Variants in ALDH9A1 observed in about 807,000 individuals in gnomAD.
The protein encoded by ALDH9A1 is aldehyde dehydrogenase 9 family member A1.
A neutral mutation model predicts 56.6 loss-of-function variants in ALDH9A1; 42 were observed. That is an observed-to-expected ratio of 0.74 (90% CI 0.58 to 0.96). ALDH9A1 has a LOEUF of 0.96. ALDH9A1 is among the 40% of genes least tolerant of loss of function. The pLI is 0.00. For missense variants in ALDH9A1, 661 were observed against 651.5 expected (o/e 1.01, Z -0.16); for synonymous variants, 242 against 236.0 (o/e 1.03, Z -0.23).
chr1:165,678,149 C>A (rs1649428355), intron 6 of ALDH9A1, among the ~76,000 whole-genome samples: 1 of 152,104 alleles, frequency 6.6e-6, no homozygotes, highest in Non-Finnish European at 1.5e-5. Flanking sequence ...GCCTGGCCAA[C>A]ACAGTGAAAC....
chr1:165,673,882 G>A (rs6667088), intron 6 of ALDH9A1, among the ~76,000 whole-genome samples: 96,890 of 151,782 alleles, frequency 0.64, 31,299 homozygotes, highest in East Asian at 0.97. Flanking sequence ...AATAAGGCTG[G>A]GACGTACTGG....
intron 10 of ALDH9A1, 47 bp downstream of exon 10, chr1:165,664,971 C>A (rs764267542): frequency 3.5e-6 from 5 of 1,445,648 alleles, no homozygotes; most frequent in South Asian, 2.3e-5. Flanking sequence ...TGAATTACGA[C>A]CTAGCTCTAG....
At position 165,667,782 on chromosome 1, in the gene ALDH9A1, T is replaced by A. The variant is rs1301331278; in HGVS notation, c.1208-332A>T. Among the ~76,000 whole-genome samples the A allele has an allele frequency of 2.0e-5, 3 of 152,352 alleles. No individual in the cohort carries two copies. The East Asian group carries it at 5.8e-4, about 29-fold the overall frequency. ...TTTCTAGTGAGGATTAAAGGTTATATACTGCATCAAATATGAAGTTGTTAA... is the reference window on the plus strand; with the variant it reads ...TTTCTAGTGAGGATTAAAGGTTATAAACTGCATCAAATATGAAGTTGTTAA... On this transcript the variant is annotated intron_variant, in intron 8 of 10. Coordinates refer to ENST00000354775, the MANE Select transcript of ALDH9A1 (RefSeq NM_000696.4).
At chr1:165,674,964 G>A (rs1461803385) in intron 6 of ALDH9A1, among the ~76,000 whole-genome samples, 4 of 152,228 alleles carry the variant, frequency 2.6e-5, no homozygotes, top group Non-Finnish European at 5.9e-5. Context: ...AGGCTGAGGC[G>A]GGTGGATCGC....
chr1:165,668,628 C>T (rs1009040686), intron 8 of ALDH9A1: 6 of 227,570 alleles, frequency 2.6e-5, no homozygotes, highest in Non-Finnish European at 5.1e-5. Flanking sequence ...TTTATTTTCT[C>T]AAGGAATTAA....
At position 165,698,548 on chromosome 1, in the gene ALDH9A1, C is replaced by T. The variant is rs752911128; in HGVS notation, c.11G>A (p.Arg4Gln). 1.9e-6 allele frequency: 3 copies of T among 1,605,814 alleles called. No individual in the cohort carries two copies. Among genetic ancestry groups the T allele is most frequent in the Non-Finnish European group, 2.5e-6 (3 of 1,177,408 alleles). MFLRAGLAALSPLL... is the reference protein window; with the variant it reads MFLQAGLAALSPLL... ...CGGGGAGAGCGCGGCCAGGCCTGCT[C>T]GGAGAAACATGAGTGGCGGACGCAG... The change falls in exon 1 of 11, where the codon CGA (arginine) becomes CAA (glutamine). Residue 4 changes from arginine to glutamine, a missense_variant. By Grantham distance (43) the Arg-to-Gln change is conservative. Transcript: ENST00000354775.
intron 1 of ALDH9A1, 106 bp downstream of exon 1, chr1:165,698,272 T>C (rs999979085): frequency 2.9e-5 from 43 of 1,469,002 alleles, no homozygotes; most frequent in Non-Finnish European, 3.8e-5. Flanking sequence ...ACTGTCACTG[T>C]CTTGTGCTCA....
chr1:165,674,197 G>C (rs1317947742), intron 6 of ALDH9A1, among the ~76,000 whole-genome samples: 1 of 150,910 alleles, frequency 6.6e-6, no homozygotes, highest in Admixed American at 6.7e-5. Flanking sequence ...CCCACCCCTT[G>C]TTTAGCATAC....
chr1:165,672,556 G>A (rs1571169150), intron 6 of ALDH9A1, among the ~76,000 whole-genome samples: 1 of 152,016 alleles, frequency 6.6e-6, no homozygotes, highest in South Asian at 2.1e-4. Context: ...TTCAATGTGG[G>A]GTGATGAAAA....
At chr1:165,680,771 T>C (rs2101747414) in intron 4 of ALDH9A1, 88 bp from the exon 5 acceptor site, 2 of 1,232,538 alleles carry the variant, frequency 1.6e-6, no homozygotes, top group East Asian at 4.8e-5. Context: ...TCAAAAATGA[T>C]TCCAATTGTT....
rs138622301 is a variant in ALDH9A1, at chr1:165,686,807, T to C, written c.328-3697A>G. Among the ~76,000 whole-genome samples, 20 of 152,304 alleles carry C rather than the reference T, an allele frequency of 1.3e-4. No homozygotes were observed. The East Asian group carries it at 3.9e-3, about 29-fold the overall frequency. On this transcript the variant is annotated intron_variant, in intron 2 of 10. Transcript: ENST00000354775. ...AGTGATTCACTAGAGATCATATGTC[T>C]AGTGATCAAAAACTACCAGGCATGC...
chr1:165,665,014 T>A lies in ALDH9A1; in HGVS notation c.1462+4A>T. The A allele has an allele frequency of 6.2e-7, 1 of 1,612,590 alleles. No individual in the cohort carries two copies. Among genetic ancestry groups the A allele is most frequent in the South Asian group, 1.1e-5 (1 of 91,040 alleles). ...GTTTGCATTCACACCTCCCAGCTCC[T>A]CACCTGACTTCTTATATCCACCAAA... On this transcript the variant is annotated splice_donor_region_variant and intron_variant, in intron 10 of 10. Coordinates refer to ENST00000354775, the MANE Select transcript of ALDH9A1 (RefSeq NM_000696.4).
chr1:165,698,014 G>A (rs1379131055), intron 1 of ALDH9A1, among the ~76,000 whole-genome samples: 1 of 152,196 alleles, frequency 6.6e-6, no homozygotes, highest in African/African-American at 2.4e-5. Context: ...CTGGGCGACA[G>A]AGTGAGACCC....
At chr1:165,695,453 A>T (rs932225179) in intron 1 of ALDH9A1, 56 bp from the exon 2 acceptor site, 1 of 1,445,662 alleles carries the variant, frequency 6.9e-7, no homozygotes, top group Non-Finnish European at 9.2e-7. Context: ...TATTTAAATA[A>T]AATATTATCT....
At chr1:165,671,703 C>T in intron 6 of ALDH9A1, 1 of 440,276 alleles carries the variant, frequency 2.3e-6, no homozygotes, top group Non-Finnish European at 4.4e-6. Flanking sequence ...AAATATGAAT[C>T]ATATACAGCC....
At position 165,668,751 on chromosome 1, in the gene ALDH9A1, G is replaced by C. The variant is rs112290783; in HGVS notation, c.1207+175C>G. On this transcript the variant is annotated intron_variant, in intron 8 of 10. Coordinates refer to ENST00000354775, the MANE Select transcript of ALDH9A1 (RefSeq NM_000696.4). The stretch of plus-strand genomic sequence containing the variant: ...ATACATATGGGTGCCCTAAAGGAGG[G>C]GCACACAGAAGGCTTCAAAGATAAT... The C allele has an allele frequency of 3.2e-5, 16 of 506,646 alleles. No individual in the cohort carries two copies. The South Asian group carries it at 5.3e-4, about 17-fold the overall frequency. The allele number at this position is 506,646 out of a possible 1,614,324, so 31.4% of individuals were successfully genotyped here.
intron 8 of ALDH9A1, 40 bp from the exon 9 acceptor site, chr1:165,667,490 C>G (rs1411567430): frequency 1.9e-6 from 3 of 1,605,646 alleles, no homozygotes; most frequent in Admixed American, 1.7e-5. Context: ...CAGCTGGGAC[C>G]ACAGTGTGCA....
chr1:165,669,240 C>T (rs770369769), intron 7 of ALDH9A1, 22 bp downstream of exon 7: 2 of 1,582,124 alleles, frequency 1.3e-6, no homozygotes, highest in Non-Finnish European at 1.7e-6. Context: ...CCAACCCCAC[C>T]CTACTGCCAA....
At chr1:165,672,773 C>CA (rs1331937803) in intron 6 of ALDH9A1, among the ~76,000 whole-genome samples, 10 of 151,574 alleles carry the variant, frequency 6.6e-5, no homozygotes, top group Admixed American at 2.0e-4. Flanking sequence ...CTCATCTCTA[C>CA]AAAAAATACA....
Sources: gnomAD v4.1 joint callset for allele counts (sites outside exome capture counted in the v4.1 genomes callset) on GRCh38, gnomAD v4.1.1 for gene constraint, MANE v1.5 for transcripts, NCBI Gene and HGNC (gene_info 2026-07-23, HGNC 2026-07-21) for gene names.